The following MEGF6 variants were observed in gnomAD, a reference collection of about 807,000 sequenced individuals.
MEGF6 encodes multiple EGF like domains 6.
Under a neutral mutation model 207.1 loss-of-function variants are expected in MEGF6, and 184 were observed. The ratio of observed to expected loss-of-function variants is 0.89; its 90% CI spans 0.79 to 1.00. The LOEUF is 1.00. Among genes scored for constraint, MEGF6 ranks in the 50% least tolerant of loss-of-function variants. The pLI is 0.00. For synonymous variants in MEGF6, 1,038 were observed against 910.0 expected (o/e 1.14, Z -2.53); for missense variants, 2,282 against 2,202.9 (o/e 1.04, Z -0.72).
upstream of MEGF6, among the ~76,000 whole-genome samples, chr1:3,613,349 C>T (rs1001843750): frequency 2.0e-5 from 3 of 152,220 alleles, no homozygotes; most frequent in East Asian, 3.9e-4. Flanking sequence ...CCCCTGTCCT[C>T]GGGTGGAGGT....
chr1:3,562,961 C>A (rs59629050), intron 4 of MEGF6, among the ~76,000 whole-genome samples: 1,681 of 152,256 alleles, frequency 0.011, 26 homozygotes, highest in African/African-American at 0.038. Flanking sequence ...CGCCCCCAGG[C>A]CATGGCTGGA....
chr1:3,510,440 C>G (rs114882676), intron 10 of MEGF6, among the ~76,000 whole-genome samples: 1 of 149,492 alleles, frequency 6.7e-6, no homozygotes, highest in Non-Finnish European at 1.5e-5. Flanking sequence ...TAGCCCTGCA[C>G]GCAGCAGGCG....
intron 17 of MEGF6, among the ~76,000 whole-genome samples, chr1:3,504,053 G>A (rs1451782969): frequency 1.3e-5 from 2 of 152,170 alleles, no homozygotes; most frequent in Non-Finnish European, 2.9e-5. Flanking sequence ...GAGGTGGGGA[G>A]GGGAAGGGCC....
chr1:3,515,636 G>T, intron 5 of MEGF6, 109 bp from the exon 6 acceptor site: 1 of 1,354,352 alleles, frequency 7.4e-7, no homozygotes, highest in Non-Finnish European at 1.0e-6. Context: ...TCCTGCTGTA[G>T]GACCCCTCCC....
At chr1:3,551,388 G>T (rs766590417) in intron 4 of MEGF6, among the ~76,000 whole-genome samples, 7 of 152,156 alleles carry the variant, frequency 4.6e-5, no homozygotes, top group African/African-American at 1.4e-4. Flanking sequence ...TCCACCAGGG[G>T]AAACTCTCGC....
At chr1:3,555,774 G>A (rs1322584290) in intron 4 of MEGF6, among the ~76,000 whole-genome samples, 2 of 152,218 alleles carry the variant, frequency 1.3e-5, no homozygotes, top group East Asian at 1.9e-4. Context: ...GCCAAGACCT[G>A]GAAAGCCGGG....
At chr1:3,575,691 T>G (rs1643623693) in intron 4 of MEGF6, among the ~76,000 whole-genome samples, 1 of 152,112 alleles carries the variant, frequency 6.6e-6, no homozygotes, top group Non-Finnish European at 1.5e-5. Context: ...CTCCCCCTTA[T>G]AAACCATCAG....
intron 15 of MEGF6, 21 bp downstream of exon 15, chr1:3,506,087 G>A (rs753500398): frequency 1.9e-6 from 3 of 1,576,762 alleles, no homozygotes; most frequent in East Asian, 2.3e-5. Context: ...CATGGACACT[G>A]GAAGGGGCAG....
chr1:3,571,470 G>A (rs1013914678), intron 4 of MEGF6, among the ~76,000 whole-genome samples: 1 of 152,008 alleles, frequency 6.6e-6, no homozygotes, highest in Non-Finnish European at 1.5e-5. Flanking sequence ...CCTCCCCAAG[G>A]GTGCTGGGTC....
At chr1:3,541,354 C>T (rs1448707139) in intron 4 of MEGF6, among the ~76,000 whole-genome samples, 2 of 152,362 alleles carry the variant, frequency 1.3e-5, no homozygotes, top group Admixed American at 6.5e-5. Context: ...GCAACAAAGT[C>T]CTGGAAGCAT....
intron 2 of MEGF6, among the ~76,000 whole-genome samples, chr1:3,596,106 G>A (rs1379239225): frequency 6.6e-6 from 1 of 152,088 alleles, no homozygotes; most frequent in African/African-American, 2.4e-5. Flanking sequence ...ACCTGTGTGG[G>A]CCCAGGTCAG....
At chr1:3,495,715 G>A (rs1158558310) in intron 30 of MEGF6, among the ~76,000 whole-genome samples, 175 bp downstream of exon 30, 3 of 152,196 alleles carry the variant, frequency 2.0e-5, no homozygotes, top group African/African-American at 7.2e-5. Context: ...GCAGGGCAGC[G>A]TAGTCAACAC....
Position 3,509,997 on chromosome 1 carries a change from G to C in MEGF6, c.1235-5C>G. The C allele has an allele frequency of 6.3e-7, 1 of 1,581,302 alleles. No individual in the cohort carries two copies. Among genetic ancestry groups the C allele is most frequent in the Non-Finnish European group, 8.5e-7 (1 of 1,171,238 alleles). ...TGGAGGCGCACTCATCCACATCTGCGGGCGACCCGGGACCACTGAGGCCTG... is the reference window on the plus strand; with the variant it reads ...TGGAGGCGCACTCATCCACATCTGCCGGCGACCCGGGACCACTGAGGCCTG... On this transcript the variant is annotated splice_polypyrimidine_tract_variant and splice_region_variant and intron_variant, in intron 10 of 36. Transcript: ENST00000356575.
intron 4 of MEGF6, among the ~76,000 whole-genome samples, chr1:3,562,536 G>A (rs193018473): frequency 1.3e-5 from 2 of 152,228 alleles, no homozygotes; most frequent in African/African-American, 4.8e-5. Context: ...GACACAGGCT[G>A]TGACACTCCC....
intron 23 of MEGF6, 26 bp from the exon 24 acceptor site, chr1:3,499,292 G>T: frequency 1.9e-6 from 3 of 1,588,250 alleles, no homozygotes; most frequent in Non-Finnish European, 2.6e-6. Flanking sequence ...GCTGGTCAGA[G>T]CCAGGGGTGG....
intron 4 of MEGF6, among the ~76,000 whole-genome samples, chr1:3,542,433 C>T (rs1457209725): frequency 6.6e-6 from 1 of 152,166 alleles, no homozygotes; most frequent in African/African-American, 2.4e-5. Flanking sequence ...TGCATGGACA[C>T]CTGCCAGGGG....
intron 4 of MEGF6, among the ~76,000 whole-genome samples, chr1:3,547,289 A>G (rs1468492080): frequency 6.6e-6 from 1 of 152,158 alleles, no homozygotes; most frequent in Admixed American, 6.5e-5. Context: ...GTGGAAACCC[A>G]GCAGCAGGGG....
At chr1:3,501,416 T>G in intron 18 of MEGF6, 108 bp from the exon 19 acceptor site, 1 of 1,431,170 alleles carries the variant, frequency 7.0e-7, no homozygotes. Flanking sequence ...GTGGAACCAC[T>G]GTTACCATCT....
chr1:3,539,756 C>A (rs1489126110), intron 4 of MEGF6, among the ~76,000 whole-genome samples: 1 of 152,166 alleles, frequency 6.6e-6, no homozygotes, highest in Non-Finnish European at 1.5e-5. Flanking sequence ...AGGACAAGGG[C>A]AAGGCCTTGC....
Sources: gnomAD v4.1 joint callset for allele counts (sites outside exome capture counted in the v4.1 genomes callset) on GRCh38, gnomAD v4.1.1 for gene constraint, MANE v1.5 for transcripts, NCBI Gene and HGNC (gene_info 2026-07-23, HGNC 2026-07-21) for gene names.